PRKCD: variants seen among roughly 807,000 people sequenced by gnomAD.
PRKCD encodes protein kinase C delta type.
PRKCD carries 20 observed loss-of-function variants against 82.2 expected under a neutral mutation model. The observed-to-expected ratio is 0.24, with a 90% CI of 0.17 to 0.35. The LOEUF (loss-of-function observed/expected upper bound fraction) is 0.35. PRKCD is among the 10% of genes least tolerant of loss of function. The probability of loss-of-function intolerance (pLI) is 1.00; values close to 1 mark genes in which losing one functional copy is unlikely to be tolerated. For synonymous variants in PRKCD, 317 were observed against 337.0 expected (o/e 0.94, Z 0.65); for missense variants, 607 against 899.0 (o/e 0.68, Z 4.15).
intron 15 of PRKCD, among the ~76,000 whole-genome samples, chr3:53,188,466 T>C (rs1703796245): frequency 6.6e-6 from 1 of 152,164 alleles, no homozygotes; most frequent in African/African-American, 2.4e-5. Context: ...GCGAGTGACA[T>C]CACCTGTTTG....
chr3:53,181,231 G>C lies in PRKCD; in HGVS notation c.340G>C (p.Val114Leu), dbSNP rs2107261818. 2 of 1,613,984 alleles carry C rather than the reference G, an allele frequency of 1.2e-6. No homozygotes were observed. Among genetic ancestry groups the C allele is most frequent in the Non-Finnish European group, 1.7e-6 (2 of 1,179,916 alleles). ...FWLDLQPQAK[V>L]LMSVQYFLED... ...GCTGGACCTGCAGCCTCAGGCCAAG[G>C]TGTTGATGTCTGTTCAGTATTTCCT... Residue 114 changes from valine to leucine, a missense_variant, in exon 5 of 19, where the codon GTG becomes CTG. Coordinates refer to ENST00000330452, the MANE Select transcript of PRKCD (RefSeq NM_006254.4).
At chr3:53,168,895 CAG>C (rs141466793) in intron 2 of PRKCD, among the ~76,000 whole-genome samples, 1,480 of 146,992 alleles carry the variant, frequency 0.01, 35 homozygotes, top group African/African-American at 0.036. Context: ...CTGGGCTTGT[CAG>C]AGGGGCAATG....
intron 7 of PRKCD, 120 bp from the exon 8 acceptor site, chr3:53,183,001 G>C: frequency 1.1e-6 from 1 of 943,016 alleles, no homozygotes; most frequent in Non-Finnish European, 1.7e-6. Context: ...GTGAGGGTGT[G>C]GGCGGTCAGG....
chr3:53,186,639 G>C lies in PRKCD; in HGVS notation c.1296G>C (p.Gly432=), dbSNP rs781784839. Residue 432 remains glycine, a synonymous_variant, in exon 14 of 19, where the codon GGG becomes GGC. Transcript: ENST00000330452. ...TCTTTGTGATGGAGTTCCTCAACGG[G>C]GGGGACCTGATGTACCACATCCAGG... ...HLFFVMEFLN[G]GDLMYHIQDK... The C allele has an allele frequency of 2.0e-5, 32 of 1,613,846 alleles. No homozygotes were observed. The highest frequency in any genetic ancestry group is 2.4e-5 in the Non-Finnish European group (28 of 1,179,892).
chr3:53,184,821 C>T lies in PRKCD; in HGVS notation c.788-53C>T, dbSNP rs74437127. ...CTCCTGCGCCTCTCCTACACTGCCCCCTGCCCTTGGCTGAGCTCTGAGACT... is the reference window on the plus strand; with the variant it reads ...CTCCTGCGCCTCTCCTACACTGCCCTCTGCCCTTGGCTGAGCTCTGAGACT... On this transcript the variant is annotated intron_variant, in intron 9 of 18. Coordinates refer to ENST00000330452, the MANE Select transcript of PRKCD (RefSeq NM_006254.4). 1.9e-3 allele frequency: 2,880 copies of T among 1,531,074 alleles called. 96 individuals carry two copies. In the East Asian group the frequency reaches 0.056, roughly 30 times the overall value. The allele number at this position is 1,531,074 out of a possible 1,614,324, so 94.8% of individuals were successfully genotyped here.
chr3:53,163,809 AG>A (rs1438174814), intron 1 of PRKCD, among the ~76,000 whole-genome samples: 1 of 151,844 alleles, frequency 6.6e-6, no homozygotes, highest in African/African-American at 2.4e-5. Flanking sequence ...AGCTTGAGGG[AG>A]GGGGGATGCC....
intron 9 of PRKCD, among the ~76,000 whole-genome samples, chr3:53,184,179 A>C (rs1703580976): frequency 1.3e-5 from 2 of 151,782 alleles, no homozygotes; most frequent in South Asian, 4.2e-4. Flanking sequence ...AAAAAAATAC[A>C]AAAAAATTAG....
Position 53,181,499 on chromosome 3 carries a change from C to G in PRKCD, c.432C>G (p.Arg144=). The change falls in exon 6 of 19, where the codon CGC becomes CGG. Residue 144 remains arginine, a synonymous_variant. Coordinates refer to ENST00000330452, the MANE Select transcript of PRKCD (RefSeq NM_006254.4). ...EDEAKFPTMN[R]RGAIKQAKIH... ...AGGCCAAGTTCCCAACGATGAACCGCCGCGGAGCCATCAAACAGGCCAAAA... is the reference window on the plus strand; with the variant it reads ...AGGCCAAGTTCCCAACGATGAACCGGCGCGGAGCCATCAAACAGGCCAAAA... The G allele has an allele frequency of 3.7e-6, 6 of 1,614,196 alleles. No individual in the cohort carries two copies. Among genetic ancestry groups the G allele is most frequent in the Non-Finnish European group, 5.1e-6 (6 of 1,180,038 alleles).
At position 53,192,216 on chromosome 3, in the gene PRKCD, G is replaced by A. The variant is rs149202171; in HGVS notation, c.1981G>A (p.Ala661Thr). Residue 661 changes from alanine to threonine, a missense_variant, in exon 19 of 19, where the codon GCT becomes ACT. Around this residue, in one of 5 missense-constraint regions of PRKCD, gnomAD observed 251 missense variants for 423.9 expected, o/e 0.59. Coordinates refer to ENST00000330452, the MANE Select transcript of PRKCD (RefSeq NM_006254.4). ...LIDSMDQSAF[A>T]GFSFVNPKFE... Reference sequence around the variant, plus strand: ...CGACTCCATGGACCAGTCTGCATTCGCTGGCTTCTCCTTTGTGAACCCCAA... The same window carrying A: ...CGACTCCATGGACCAGTCTGCATTCACTGGCTTCTCCTTTGTGAACCCCAA... The A allele has an allele frequency of 6.3e-5, 102 of 1,614,084 alleles. No individual in the cohort carries two copies. In the Middle Eastern group the frequency reaches 8.2e-4, roughly 13 times the overall value.
intron 2 of PRKCD, among the ~76,000 whole-genome samples, chr3:53,176,816 A>G (rs1258373555): frequency 6.6e-6 from 1 of 152,174 alleles, no homozygotes; most frequent in African/African-American, 2.4e-5. Flanking sequence ...ATTAAAATAC[A>G]GTTTGGGTTT....
chr3:53,164,894 C>A (rs1160754200), intron 1 of PRKCD, among the ~76,000 whole-genome samples: 1 of 152,146 alleles, frequency 6.6e-6, no homozygotes, highest in African/African-American at 2.4e-5. Context: ...AGTGTTCCAG[C>A]CCCTACCATG....
intron 2 of PRKCD, among the ~76,000 whole-genome samples, chr3:53,175,217 T>G (rs1703174046): frequency 6.6e-6 from 1 of 152,224 alleles, no homozygotes; most frequent in South Asian, 2.1e-4. Context: ...CTGGTTTCCC[T>G]TTCTGAGCAG....
rs149751382 is a variant in PRKCD at position 53,188,804 on chromosome 3, C to T, written c.1500C>T (p.Phe500=). The change falls in exon 16 of 19, where the codon TTC becomes TTT. Residue 500 remains phenylalanine (F), a synonymous_variant. Transcript: ENST00000330452. ...ADFGMCKENI[F]GESRASTFCG... ...TTGGGATGTGCAAAGAGAACATATT[C>T]GGGGAGAGCCGGGCCAGCACCTTCT... The T allele has an allele frequency of 7.8e-5, 126 of 1,614,174 alleles. No homozygotes were observed. The African/African-American group carries it at 1.5e-3, about 19-fold the overall frequency.
At chr3:53,165,912 C>T (rs1191764398) in intron 2 of PRKCD, among the ~76,000 whole-genome samples, 1 of 152,186 alleles carries the variant, frequency 6.6e-6, no homozygotes, top group Non-Finnish European at 1.5e-5. Context: ...ACCATGAAAA[C>T]ATTGCTGTGG....
In PRKCD at chr3:53,185,709, G is replaced by A; in HGVS notation, c.985+9G>A. ...TGGGGAGGACATGCAAGGTGAAGCT[G>A]GGTCCATTGCCCCATTACGGTTTTT... On this transcript the variant is annotated intron_variant, in intron 11 of 18. Transcript: ENST00000330452. 1 of 1,611,628 alleles carries A rather than the reference G, an allele frequency of 6.2e-7. No homozygotes were observed. Among genetic ancestry groups the A allele is most frequent in the South Asian group, 1.1e-5 (1 of 91,072 alleles).
Position 53,192,103 on chromosome 3 carries a change from TG to T in PRKCD, c.1873-4del. ...TGTTCGCTCACCCCTGCCCTCTGCT[TG>T]TAGAAGTCACCCAGAGACTACAGTA... On this transcript the variant is annotated splice_region_variant and splice_polypyrimidine_tract_variant and intron_variant, in intron 18 of 18. Coordinates refer to ENST00000330452, the MANE Select transcript of PRKCD (RefSeq NM_006254.4). The T allele has an allele frequency of 1.2e-6, 2 of 1,613,848 alleles. No individual in the cohort carries two copies. The highest frequency in any genetic ancestry group is 2.2e-5 in the South Asian group (2 of 91,076).
intron 9 of PRKCD, 129 bp downstream of exon 9, chr3:53,183,710 G>A: frequency 7.5e-7 from 1 of 1,336,886 alleles, no homozygotes; most frequent in Non-Finnish European, 1.0e-6. Flanking sequence ...GACCTGATGA[G>A]GGTGAGGCCT....
intron 4 of PRKCD, among the ~76,000 whole-genome samples, chr3:53,180,898 G>A (rs1703412577): frequency 6.6e-6 from 1 of 152,130 alleles, no homozygotes; most frequent in South Asian, 2.1e-4. Context: ...CTTGCTAAGG[G>A]AGCTGCAGCG....
In PRKCD at chr3:53,183,560, A is replaced by G; in HGVS notation, c.766A>G (p.Lys256Glu). The change falls in exon 9 of 19, where the codon AAG becomes GAG. Residue 256 changes from lysine (K) to glutamate (E), a missense_variant. Physicochemically the swap from Lys to Glu is moderately conservative, Grantham distance 56 (BLOSUM62 1). Coordinates refer to ENST00000330452, the MANE Select transcript of PRKCD (RefSeq NM_006254.4). ...HCGSLLWGLV[K>E]QGLKCEDCGM... Reference sequence around the variant, plus strand: ...CGGCAGCCTGCTCTGGGGACTGGTGAAGCAGGGATTAAAGTGTGAAGGTGC... The same window carrying G: ...CGGCAGCCTGCTCTGGGGACTGGTGGAGCAGGGATTAAAGTGTGAAGGTGC... 6.2e-7 allele frequency: 1 copy of G among 1,614,166 alleles called. No homozygotes were observed. Among genetic ancestry groups the G allele is most frequent in the South Asian group, 1.1e-5 (1 of 91,086 alleles).
Sources: gnomAD v4.1 joint callset for allele counts (sites outside exome capture counted in the v4.1 genomes callset) on GRCh38, gnomAD v4.1.1 for gene constraint, gnomAD v4.1.1 regional missense constraint, MANE v1.5 for transcripts, NCBI Gene and HGNC (gene_info 2026-07-23, HGNC 2026-07-21) for gene names.